P2RX1: variants seen among roughly 807,000 people sequenced by gnomAD.
The protein encoded by P2RX1 is purinergic receptor P2X 1, also known as P2X purinoceptor 1.
A neutral mutation model predicts 50.3 loss-of-function variants in P2RX1; 42 were observed. The ratio of observed to expected loss-of-function variants is 0.83; its 90% CI spans 0.65 to 1.08. The LOEUF is 1.08. Ranked by LOEUF, P2RX1 falls within the 50% of genes least tolerant of loss-of-function variation. P2RX1 has a pLI of 0.00. For missense variants in P2RX1, 449 were observed against 529.0 expected (o/e 0.85, Z 1.48); for synonymous variants, 199 against 202.6 (o/e 0.98, Z 0.15).
chr17:3,908,309 T>C (rs2056304052), intron 1 of P2RX1, among the ~76,000 whole-genome samples: 1 of 152,058 alleles, frequency 6.6e-6, no homozygotes, highest in Admixed American at 6.6e-5. Context: ...GCCTGTAATC[T>C]CAGCACTTTG....
In P2RX1 at chr17:3,914,439, C is replaced by T. The variant is rs116852065; in HGVS notation, c.137+1650G>A. Reference sequence around the variant, plus strand: ...GGCTACGGCTGGGAATGGGTGGGTCCCTCCAACGCTGACAGCCTGTGACAC... The same window carrying T: ...GGCTACGGCTGGGAATGGGTGGGTCTCTCCAACGCTGACAGCCTGTGACAC... On this transcript the variant is annotated intron_variant, in intron 1 of 11. Transcript: ENST00000225538. This position sits in a 1 kb window ranked among gnomAD's most constrained non-coding sequence, Gnocchi z 4.1. Among the ~76,000 whole-genome samples the T allele has an allele frequency of 2.0e-3, 304 of 152,216 alleles. No individual in the cohort carries two copies. The highest frequency in any genetic ancestry group is 3.5e-3 in the Non-Finnish European group (236 of 68,012).
In P2RX1 at chr17:3,897,659, T is replaced by C; in HGVS notation, c.*155A>G. The stretch of plus-strand genomic sequence containing the variant: ...CGGAGCTCAGATTTGCACAGGTCTC[T>C]CCTACTATGCACCCTGAGCTTCTGG... On this transcript the variant is annotated 3_prime_UTR_variant, in exon 12 of 12. Coordinates refer to ENST00000225538, the MANE Select transcript of P2RX1 (RefSeq NM_002558.4). The C allele has an allele frequency of 1.4e-6, 1 of 706,154 alleles. No homozygotes were observed. Among genetic ancestry groups the C allele is most frequent in the Non-Finnish European group, 2.5e-6 (1 of 398,836 alleles). The allele number at this position is 706,154 out of a possible 1,614,324, so 43.7% of individuals were successfully genotyped here. A position where few individuals can be genotyped will look rare whatever the true frequency, so the allele number is the denominator to read the frequency against.
At chr17:3,915,517 C>T (rs1274967437) in intron 1 of P2RX1, 1 of 456,632 alleles carries the variant, frequency 2.2e-6, no homozygotes, top group Non-Finnish European at 4.4e-6. Flanking sequence ...AAGGAACTAT[C>T]ATCCCTGGGA....
At chr17:3,912,222 C>A (rs754810507) in intron 1 of P2RX1, among the ~76,000 whole-genome samples, 8 of 152,242 alleles carry the variant, frequency 5.3e-5, no homozygotes, top group Non-Finnish European at 1.0e-4. Context: ...CCTGTGTCTT[C>A]ATCCTGGAGG....
At chr17:3,899,097 G>C in intron 8 of P2RX1, 73 bp from the exon 9 acceptor site, 1 of 1,032,006 alleles carries the variant, frequency 9.7e-7, no homozygotes, top group Non-Finnish European at 1.5e-6. Context: ...TAGCGCATCA[G>C]GGATACAGGA....
At chr17:3,899,902 A>G (rs891336408) in intron 7 of P2RX1, 141 bp from the exon 8 acceptor site, 2 of 1,018,188 alleles carry the variant, frequency 2.0e-6, no homozygotes, top group African/African-American at 3.2e-5. Context: ...GGAGTTCAAG[A>G]CCAGTCTGGT....
chr17:3,907,670 G>A (rs1252771792), intron 1 of P2RX1, among the ~76,000 whole-genome samples: 1 of 152,202 alleles, frequency 6.6e-6, no homozygotes, highest in African/African-American at 2.4e-5. Context: ...CCTAAGCTTG[G>A]TCACTGCTGT....
chr17:3,899,785 G>A, intron 7 of P2RX1, 24 bp from the exon 8 acceptor site: 1 of 1,612,076 alleles, frequency 6.2e-7, no homozygotes, highest in Non-Finnish European at 8.5e-7. Flanking sequence ...AAGTAGTTAA[G>A]ATCTGGGATT....
At chr17:3,915,957 G>T in intron 1 of P2RX1, 132 bp downstream of exon 1, 2 of 1,078,610 alleles carry the variant, frequency 1.9e-6, no homozygotes, top group Non-Finnish European at 2.8e-6. Flanking sequence ...CTCGCACAGT[G>T]GCTTGCCAGG....
In P2RX1 at chr17:3,903,103, C is replaced by T; in HGVS notation, c.747+99G>A. On this transcript the variant is annotated intron_variant, in intron 7 of 11. Transcript: ENST00000225538. This position sits in a 1 kb window ranked among gnomAD's most constrained non-coding sequence, Gnocchi z 4.6. ...GACAGACCCATACATATACTCAGCCCTCACCGAGGAGACTTGGGAAGATGA... is the reference window on the plus strand; with the variant it reads ...GACAGACCCATACATATACTCAGCCTTCACCGAGGAGACTTGGGAAGATGA... 1 of 1,537,990 alleles carries T rather than the reference C, an allele frequency of 6.5e-7. No individual in the cohort carries two copies. Among genetic ancestry groups the T allele is most frequent in the Non-Finnish European group, 8.9e-7 (1 of 1,126,240 alleles).
At chr17:3,899,491 G>T (rs1171198583) in intron 8 of P2RX1, 143 bp downstream of exon 8, 4 of 1,125,210 alleles carry the variant, frequency 3.6e-6, no homozygotes, top group Non-Finnish European at 5.3e-6. Context: ...CTGGCTTCCT[G>T]CATGGCCACC....
At position 3,897,484 on chromosome 17, in the gene P2RX1, G is replaced by C; in HGVS notation, c.*330C>G. 2.2e-6 allele frequency: 1 copy of C among 463,412 alleles called. No individual in the cohort carries two copies. The highest frequency in any genetic ancestry group is 4.0e-5 in the East Asian group (1 of 25,076). 28.7% of individuals were successfully genotyped at this position (463,412 alleles called of 1,614,324 possible). ...CGGAGAGCACAGATCTAGAGAAATG[G>C]AGGCAGCGGGTTGGATAATGAGAGT... On this transcript the variant is annotated 3_prime_UTR_variant, in exon 12 of 12. Coordinates refer to ENST00000225538, the MANE Select transcript of P2RX1 (RefSeq NM_002558.4).
rs774400618 is a variant in P2RX1, at chr17:3,897,321, T to C, written c.*493A>G. 132 of 212,284 alleles carry C rather than the reference T, an allele frequency of 6.2e-4. No individual in the cohort carries two copies. Among genetic ancestry groups the C allele is most frequent in the Middle Eastern group, 2.0e-3 (1 of 502 alleles). The allele number at this position is 212,284 out of a possible 1,614,324, so 13.2% of individuals were successfully genotyped here. On this transcript the variant is annotated 3_prime_UTR_variant, in exon 12 of 12. Transcript: ENST00000225538. ...TTGACAGTGAAAATGCCCCGAGCTG[T>C]CCAGTATGGCAGCCACTAACCACAC...
chr17:3,915,308 G>T (rs1169486733), intron 1 of P2RX1: 4 of 380,644 alleles, frequency 1.1e-5, no homozygotes, highest in African/African-American at 8.4e-5. Flanking sequence ...ACACATAAGG[G>T]TACCCACATG....
intron 3 of P2RX1, 88 bp from the exon 4 acceptor site, chr17:3,904,487 G>A: frequency 1.7e-6 from 2 of 1,166,362 alleles, no homozygotes; most frequent in Non-Finnish European, 2.5e-6. Context: ...GCCCTAGGGA[G>A]AGCGTGGGGC....
chr17:3,904,232 G>A lies in P2RX1; in HGVS notation c.427+98C>T, dbSNP rs1015591655. On this transcript the variant is annotated intron_variant, in intron 4 of 11. Transcript: ENST00000225538. Reference sequence around the variant, plus strand: ...CTCCCGGAGGCCGCCTCGGCGGGAGGGGTGTGGAGAGAGGCAGGTCAGCAC... The same window carrying A: ...CTCCCGGAGGCCGCCTCGGCGGGAGAGGTGTGGAGAGAGGCAGGTCAGCAC... 20 of 1,244,286 alleles carry A rather than the reference G, an allele frequency of 1.6e-5. No homozygotes were observed. In the African/African-American group the frequency reaches 3.0e-4, roughly 18 times the overall value. The allele number at this position is 1,244,286 out of a possible 1,614,324, so 77.1% of individuals were successfully genotyped here.
chr17:3,904,154 C>T (rs528424400), intron 4 of P2RX1, 130 bp from the exon 5 acceptor site: 26 of 1,020,080 alleles, frequency 2.5e-5, no homozygotes, highest in Admixed American at 9.7e-5. Context: ...GGCTGGGTCC[C>T]GGACGGGCAG....
In P2RX1 at chr17:3,914,164, G is replaced by C. The variant is rs2056411031; in HGVS notation, c.137+1925C>G. 6.6e-6 allele frequency among the ~76,000 whole-genome samples: 1 copy of C among 152,128 alleles called. No individual in the cohort carries two copies. The highest frequency in any genetic ancestry group is 2.1e-4 in the South Asian group (1 of 4,830). On this transcript the variant is annotated intron_variant, in intron 1 of 11. Coordinates refer to ENST00000225538, the MANE Select transcript of P2RX1 (RefSeq NM_002558.4). This position sits in a 1 kb window ranked among gnomAD's most constrained non-coding sequence, Gnocchi z 4.1. ...CAGGCCAGTGCCCTCTCTCTGAGGA[G>C]GTTGCCTTTCCAGAATATCAAGGCT... is the stretch of plus-strand genomic sequence containing the variant.
intron 4 of P2RX1, 98 bp downstream of exon 4, chr17:3,904,232 G>C: frequency 8.0e-7 from 1 of 1,244,404 alleles, no homozygotes; most frequent in Non-Finnish European, 1.2e-6. Context: ...TCGGCGGGAG[G>C]GGTGTGGAGA....
Sources: allele counts gnomAD v4.1 joint callset (sites outside exome capture counted in the v4.1 genomes callset), GRCh38; gene constraint gnomAD v4.1.1; non-coding constraint Gnocchi (gnomAD v3.1); transcripts MANE v1.5; gene names NCBI Gene and HGNC (gene_info 2026-07-23, HGNC 2026-07-21).